WDR49: variants seen among roughly 807,000 people sequenced by gnomAD.
WDR49 encodes cilia- and flagella-associated protein 337.
Under a neutral mutation model 119.5 loss-of-function variants are expected in WDR49, and 107 were observed. The ratio of observed to expected loss-of-function variants is 0.90; its 90% CI spans 0.77 to 1.05. The LOEUF is 1.05. Among genes scored for constraint, WDR49 ranks in the 50% least tolerant of loss-of-function variants. The probability of loss-of-function intolerance (pLI) is 0.00; values close to 1 mark genes in which losing one functional copy is unlikely to be tolerated. For missense variants in WDR49, 1,240 were observed against 1,220.5 expected (o/e 1.02, Z -0.24); for synonymous variants, 425 against 418.8 (o/e 1.01, Z -0.18).
intron 3 of WDR49, among the ~76,000 whole-genome samples, chr3:167,625,696 C>A (rs547727751): frequency 1.3e-5 from 2 of 152,032 alleles, no homozygotes; most frequent in East Asian, 3.9e-4. Flanking sequence ...GTATTTAATA[C>A]CTACTGACTG....
At chr3:167,567,326 A>G (rs1713662618) in intron 8 of WDR49, among the ~76,000 whole-genome samples, 1 of 152,130 alleles carries the variant, frequency 6.6e-6, no homozygotes, top group Admixed American at 6.5e-5. Flanking sequence ...CCTCTGATTT[A>G]GTGTTTATCA....
intron 10 of WDR49, among the ~76,000 whole-genome samples, chr3:167,551,254 A>T (rs141165003): frequency 1.8e-3 from 277 of 152,104 alleles, no homozygotes; most frequent in African/African-American, 6.5e-3. Context: ...AACAGGAATC[A>T]TGATTCTTTA....
At position 167,575,898 on chromosome 3, in the gene WDR49, A is replaced by G. The variant is rs1421779632; in HGVS notation, c.1509+20T>C. Reference sequence around the variant, plus strand: ...CTTGGAGATATGTTAGGAGAGTGAAAGAAAAGAAAGCATCATTACCTGCTT... The same window carrying G: ...CTTGGAGATATGTTAGGAGAGTGAAGGAAAAGAAAGCATCATTACCTGCTT... On this transcript the variant is annotated intron_variant, in intron 8 of 18. Coordinates refer to ENST00000682715, the MANE Select transcript of WDR49 (RefSeq NM_001366157.1). 1 of 1,610,624 alleles carries G rather than the reference A, an allele frequency of 6.2e-7. No homozygotes were observed. The highest frequency in any genetic ancestry group is 1.1e-5 in the South Asian group (1 of 90,890).
chr3:167,555,105 C>A (rs765792582), intron 9 of WDR49, among the ~76,000 whole-genome samples: 2 of 152,028 alleles, frequency 1.3e-5, no homozygotes, highest in African/African-American at 2.4e-5. Flanking sequence ...TCTCAAGAAA[C>A]GCCAAGGCAT....
chr3:167,579,057 C>T (rs562741681), intron 7 of WDR49, among the ~76,000 whole-genome samples: 1 of 152,066 alleles, frequency 6.6e-6, no homozygotes, highest in Non-Finnish European at 1.5e-5. Flanking sequence ...CCTACTCGCA[C>T]TTCTCTCTCC....
At chr3:167,525,458 G>T (rs547828639) in intron 15 of WDR49, among the ~76,000 whole-genome samples, 1 of 152,016 alleles carries the variant, frequency 6.6e-6, no homozygotes, top group South Asian at 2.1e-4. Context: ...ATCTTTACAT[G>T]AAATCTATTA....
At chr3:167,560,374 T>A in intron 8 of WDR49, 146 bp from the exon 9 acceptor site, 1 of 804,034 alleles carries the variant, frequency 1.2e-6, no homozygotes, top group Non-Finnish European at 1.9e-6. Context: ...TTCTTTCTAT[T>A]AAGCTGATAA....
intron 7 of WDR49, among the ~76,000 whole-genome samples, chr3:167,577,825 T>C (rs923157201): frequency 1.3e-5 from 2 of 152,102 alleles, no homozygotes; most frequent in Non-Finnish European, 2.9e-5. Context: ...CCTTATAGTT[T>C]TTAACCTATT....
At chr3:167,591,475 ATCT>A (rs1479238440) in intron 7 of WDR49, among the ~76,000 whole-genome samples, 1 of 152,080 alleles carries the variant, frequency 6.6e-6, no homozygotes. Flanking sequence ...TGTCTGGAAG[ATCT>A]TCTCAATGCT....
At chr3:167,571,503 C>T (rs1713938649) in intron 8 of WDR49, among the ~76,000 whole-genome samples, 1 of 152,022 alleles carries the variant, frequency 6.6e-6, no homozygotes, top group South Asian at 2.1e-4. Context: ...TATTTATCTA[C>T]AAAAAAGTCA....
At chr3:167,540,091 G>C (rs1711693391) in intron 10 of WDR49, among the ~76,000 whole-genome samples, 1 of 152,112 alleles carries the variant, frequency 6.6e-6, no homozygotes, top group Non-Finnish European at 1.5e-5. Flanking sequence ...AACAAACTCA[G>C]GACATTACAG....
At chr3:167,578,299 G>T (rs1025556912) in intron 7 of WDR49, among the ~76,000 whole-genome samples, 8 of 152,056 alleles carry the variant, frequency 5.3e-5, no homozygotes, top group Non-Finnish European at 1.0e-4. Flanking sequence ...ATTGTATAAA[G>T]TCAAATAGCA....
chr3:167,653,523 C>A (rs1718488745), intron 1 of WDR49, 24 bp from the exon 2 acceptor site: 2 of 1,352,410 alleles, frequency 1.5e-6, no homozygotes, highest in Non-Finnish European at 1.9e-6. Flanking sequence ...CTCAACTTAG[C>A]AACAGAATTC....
At chr3:167,590,088 T>A (rs1715030202) in intron 7 of WDR49, among the ~76,000 whole-genome samples, 1 of 152,094 alleles carries the variant, frequency 6.6e-6, no homozygotes, top group South Asian at 2.1e-4. Flanking sequence ...ATATCAAAAC[T>A]TTTTGAGTTT....
intron 5 of WDR49, among the ~76,000 whole-genome samples, chr3:167,616,136 T>A (rs1716585883): frequency 6.6e-6 from 1 of 152,172 alleles, no homozygotes; most frequent in Non-Finnish European, 1.5e-5. Flanking sequence ...CTAGCAAATG[T>A]TTTTTGGGTG....
intron 9 of WDR49, among the ~76,000 whole-genome samples, chr3:167,555,911 A>G (rs1271440897): frequency 6.6e-6 from 1 of 152,198 alleles, no homozygotes; most frequent in African/African-American, 2.4e-5. Flanking sequence ...CACCTAGACT[A>G]TATGGTATAG....
At position 167,620,482 on chromosome 3, in the gene WDR49, T is replaced by C. The variant is rs1288034392; in HGVS notation, c.905A>G (p.Lys302Arg). ...TTTATGCTCTAATATATGGCAACAT[T>C]TGTGACATCCAGAGAGCAGCTCTGC... ...NWAELLSGCH[K>R]CCHILEHKLH... is the part of the protein sequence containing the mutation. Residue 302 changes from lysine (K) to arginine (R), a missense_variant, in exon 5 of 19, where the codon AAA becomes AGA. Coordinates refer to ENST00000682715, the MANE Select transcript of WDR49 (RefSeq NM_001366157.1). The C allele has an allele frequency of 2.6e-6, 4 of 1,536,050 alleles. No homozygotes were observed. Among genetic ancestry groups the C allele is most frequent in the Non-Finnish European group, 3.5e-6 (4 of 1,146,754 alleles).
intron 18 of WDR49, among the ~76,000 whole-genome samples, chr3:167,497,875 CTT>C (rs10634534): frequency 2.3e-5 from 3 of 128,174 alleles, no homozygotes. Flanking sequence ...CATATTCATT[CTT>C]TTTTTTTTTT....
chr3:167,613,742 C>T (rs889481198), intron 5 of WDR49, among the ~76,000 whole-genome samples: 2 of 151,902 alleles, frequency 1.3e-5, no homozygotes, highest in South Asian at 2.1e-4. Flanking sequence ...TTCAGGAGTT[C>T]GAGACCAGCC....
Sources: allele counts gnomAD v4.1 joint callset (sites outside exome capture counted in the v4.1 genomes callset), GRCh38; gene constraint gnomAD v4.1.1; transcripts MANE v1.5; gene names NCBI Gene and HGNC (gene_info 2026-07-23, HGNC 2026-07-21).